Variants in SPATA31A1 observed in about 807,000 individuals in gnomAD.
SPATA31A1 encodes SPATA31 subfamily A member 1.
For missense variants in SPATA31A1, 579 were observed against 1,476.3 expected (o/e 0.39, Z 9.96); for synonymous variants, 194 against 573.4 (o/e 0.34, Z 9.45).
At position 39,361,386 on chromosome 9, in the gene SPATA31A1, G is replaced by A; in HGVS notation, c.3621G>A (p.Gln1207=). The A allele has an allele frequency of 1.2e-6, 2 of 1,613,688 alleles. No individual in the cohort carries two copies. Among genetic ancestry groups the A allele is most frequent in the South Asian group, 1.1e-5 (1 of 91,062 alleles). The change falls in exon 4 of 4, where the codon CAG becomes CAA. Residue 1207 remains glutamine (Q), a synonymous_variant. Transcript: ENST00000377647. ...TGTACAGCAGCAGTGCTGAAGCTCA[G>A]GGTCTCATGACGGCAGTTGGACAAA... ...SCVYSSSAEA[Q]GLMTAVGQML... is the part of the protein sequence containing the mutation.
In SPATA31A1 at chr9:39,358,270, C is replaced by T. The variant is rs1287738537; in HGVS notation, c.505C>T (p.Pro169Ser). Residue 169 changes from proline to serine, a missense_variant, in exon 4 of 4, where the codon CCA becomes TCA. Coordinates refer to ENST00000377647, the MANE Select transcript of SPATA31A1 (RefSeq NM_001085452.4). ...GCATCCTCAGGATCTGGCCTCCACCCCATCACCAGGCCCAATGACCACCTC... is the reference window on the plus strand; with the variant it reads ...GCATCCTCAGGATCTGGCCTCCACCTCATCACCAGGCCCAATGACCACCTC... ...AKHPQDLAST[P>S]SPGPMTTSVS... The T allele has an allele frequency of 6.5e-7, 1 of 1,548,214 alleles. No homozygotes were observed. The highest frequency in any genetic ancestry group is 2.3e-5 in the East Asian group (1 of 43,132).
Position 39,360,865 on chromosome 9 carries a change from C to T in SPATA31A1, c.3100C>T (p.Leu1034Phe). 6.3e-7 allele frequency: 1 copy of T among 1,596,774 alleles called. No individual in the cohort carries two copies. The highest frequency in any genetic ancestry group is 1.4e-5 in the African/African-American group (1 of 72,084). The change falls in exon 4 of 4, where the codon CTT becomes TTT. Residue 1034 changes from leucine (L) to phenylalanine (F), a missense_variant. By Grantham distance (22) the Leu-to-Phe change is conservative. Transcript: ENST00000377647. ...TCAAGTTTGTGCCGCTGTTGTGCTC[C>T]TTCCAGATGGGCAAGCATCTGTTGT... Reference protein sequence around the residue: ...QPQVCAAVVLLPDGQASVVPH... With the variant: ...QPQVCAAVVLFPDGQASVVPH...
Position 39,358,682 on chromosome 9 carries a change from CACCAGAGACCT to C in SPATA31A1, c.924_934del (p.Glu308AspfsTer5), listed in dbSNP as rs1823388531. On this transcript the variant is annotated frameshift_variant, in exon 4 of 4. Transcript: ENST00000377647. LOFTEE classifies it low-confidence loss of function (END_TRUNC). The stretch of plus-strand genomic sequence containing the variant: ...CAGCAAGATCATCTTTCCCGCCACC[CACCAGAGACCT>C]ACCAGATGGAAGCTGGTAGCCTGTT... 1 of 1,608,792 alleles carries C rather than the reference CACCAGAGACCT, an allele frequency of 6.2e-7. No individual in the cohort carries two copies. Among genetic ancestry groups the C allele is most frequent in the African/African-American group, 1.3e-5 (1 of 74,654 alleles).
chr9:39,357,954 G>A, intron 3 of SPATA31A1, 120 bp from the exon 4 acceptor site: 4 of 1,600,486 alleles, frequency 2.5e-6, no homozygotes, highest in South Asian at 2.2e-5. Flanking sequence ...GGGGCGAGGG[G>A]TAGCAGGAGA....
intron 2 of SPATA31A1, 34 bp from the exon 3 acceptor site, chr9:39,357,724 C>T: frequency 8.1e-7 from 1 of 1,232,962 alleles, no homozygotes; most frequent in African/African-American, 1.5e-5. Context: ...CAGGCCCCTC[C>T]CTCACTGCCC....
chr9:39,356,888 GC>G (rs1176708808), intron 1 of SPATA31A1, among the ~76,000 whole-genome samples: 2 of 123,210 alleles, frequency 1.6e-5, no homozygotes, highest in African/African-American at 3.2e-5. Flanking sequence ...ACCACGCCCA[GC>G]CCCCTCTTGC....
In SPATA31A1 at chr9:39,361,808, G is replaced by A; in HGVS notation, c.4043G>A (p.Ter1348=). ...PRHCLLWEGI[*] ...CACTGTCTTCTTTGGGAAGGTATCT[G>A]ATTTGGTCAGTCACAAATTCTTTTT... is the stretch of plus-strand genomic sequence containing the variant. Residue 1348 remains the stop codon, a stop_retained_variant, in exon 4 of 4, where the codon TGA becomes TAA. Coordinates refer to ENST00000377647, the MANE Select transcript of SPATA31A1 (RefSeq NM_001085452.4). 5.0e-6 allele frequency: 8 copies of A among 1,608,816 alleles called. No homozygotes were observed. Among genetic ancestry groups the A allele is most frequent in the Non-Finnish European group, 6.8e-6 (8 of 1,179,310 alleles).
Position 39,359,024 on chromosome 9 carries a change from CCT to C in SPATA31A1, c.1264_1265del (p.Leu422AlafsTer8). ...TATAGCCAGCTTTTCTGGGGCCTCC[CCT>C]CTCTGCACAGCGAGTCCCTGGTGGC... On this transcript the variant is annotated frameshift_variant, in exon 4 of 4. Coordinates refer to ENST00000377647, the MANE Select transcript of SPATA31A1 (RefSeq NM_001085452.4). LOFTEE classifies it low-confidence loss of function (END_TRUNC). 2 of 1,596,610 alleles carry C rather than the reference CCT, an allele frequency of 1.3e-6. No individual in the cohort carries two copies. Among genetic ancestry groups the C allele is most frequent in the Non-Finnish European group, 1.7e-6 (2 of 1,177,528 alleles).
In SPATA31A1 at chr9:39,361,682, C is replaced by T; in HGVS notation, c.3917C>T (p.Pro1306Leu). 1.9e-6 allele frequency: 3 copies of T among 1,612,778 alleles called. No homozygotes were observed. Among genetic ancestry groups the T allele is most frequent in the Non-Finnish European group, 2.5e-6 (3 of 1,179,768 alleles). Reference sequence around the variant, plus strand: ...AATGAGCAATGGGGCCTGCGACATCCCCAAATCTTGCACCCCAAGAAAGCT... The same window carrying T: ...AATGAGCAATGGGGCCTGCGACATCTCCAAATCTTGCACCCCAAGAAAGCT... ...CNNEQWGLRHPQILHPKKAVS... is the reference protein window; with the variant it reads ...CNNEQWGLRHLQILHPKKAVS... Residue 1306 changes from proline to leucine, a missense_variant, in exon 4 of 4, where the codon CCC becomes CTC. Coordinates refer to ENST00000377647, the MANE Select transcript of SPATA31A1 (RefSeq NM_001085452.4).
chr9:39,356,501 T>G lies in SPATA31A1; in HGVS notation c.189+582T>G, dbSNP rs1043979085. ...ATCCCTCTGTGTGTGTGTGTGTGTG[T>G]GTGTGTGTGTGTATTTTTATTTTAT... On this transcript the variant is annotated intron_variant, in intron 1 of 3. Coordinates refer to ENST00000377647, the MANE Select transcript of SPATA31A1 (RefSeq NM_001085452.4). Among the ~76,000 whole-genome samples the G allele has an allele frequency of 2.1e-5, 3 of 143,736 alleles. 1 individual carries two copies. Among genetic ancestry groups the G allele is most frequent in the Non-Finnish European group, 4.6e-5 (3 of 65,696 alleles). The allele number at this position is 143,736 out of a possible 152,430, so 94.3% of individuals were successfully genotyped here.
rs1282662264 is a variant in SPATA31A1, at chr9:39,361,250, A to C, written c.3485A>C (p.His1162Pro). The change falls in exon 4 of 4, where the codon CAC becomes CCC. Residue 1162 changes from histidine (H) to proline (P), a missense_variant. Transcript: ENST00000377647. ...PSKKQPPSVS[H>P]FGGNIKQFFQ... Reference sequence around the variant, plus strand: ...AAGAAACAGCCTCCTTCAGTAAGCCACTTTGGAGGAAACATCAAGCAATTT... The same window carrying C: ...AAGAAACAGCCTCCTTCAGTAAGCCCCTTTGGAGGAAACATCAAGCAATTT... 3.4e-5 allele frequency: 55 copies of C among 1,611,706 alleles called. 1 individual carries two copies. In the Middle Eastern group the frequency reaches 6.5e-4, roughly 19 times the overall value.
chr9:39,358,647 C>T lies in SPATA31A1; in HGVS notation c.882C>T (p.Asn294=). ...CTGCCAGAACCTCGTGCGCCTTTAA[C>T]TCATCAGTCCAGCAAGATCATCTTT... ...QETARTSCAF[N]SSVQQDHLSR... The change falls in exon 4 of 4, where the codon AAC becomes AAT. Residue 294 remains asparagine, a synonymous_variant. Coordinates refer to ENST00000377647, the MANE Select transcript of SPATA31A1 (RefSeq NM_001085452.4). The T allele has an allele frequency of 1.2e-6, 2 of 1,607,628 alleles. No individual in the cohort carries two copies. Among genetic ancestry groups the T allele is most frequent in the African/African-American group, 1.3e-5 (1 of 74,484 alleles).
Position 39,361,221 on chromosome 9 carries a change from A to G in SPATA31A1, c.3456A>G (p.Pro1152=). The G allele has an allele frequency of 6.2e-7, 1 of 1,611,670 alleles. No individual in the cohort carries two copies. The highest frequency in any genetic ancestry group is 1.1e-5 in the South Asian group (1 of 90,974). The change falls in exon 4 of 4, where the codon CCA becomes CCG. Residue 1152 remains proline, a synonymous_variant. Transcript: ENST00000377647. ...AGGATGAAGGCGTCCAGCTACTGCC[A>G]TCAAAGAAACAGCCTCCTTCAGTAA... ...THQDEGVQLL[P]SKKQPPSVSH...
chr9:39,357,660 T>A, intron 2 of SPATA31A1, 98 bp from the exon 3 acceptor site: 2 of 1,593,740 alleles, frequency 1.3e-6, no homozygotes, highest in Non-Finnish European at 1.7e-6. Context: ...GCCCAGGGTC[T>A]AATTCCCCAT....
In SPATA31A1 at chr9:39,361,761, C is replaced by T; in HGVS notation, c.3996C>T (p.Ser1332=). 1 of 1,612,258 alleles carries T rather than the reference C, an allele frequency of 6.2e-7. No homozygotes were observed. Among genetic ancestry groups the T allele is most frequent in the Non-Finnish European group, 8.5e-7 (1 of 1,179,790 alleles). Residue 1332 remains serine, a synonymous_variant, in exon 4 of 4, where the codon AGC becomes AGT. Transcript: ENST00000377647. ...QHWPKTSGAS[S]HHHHCPRHCL... ...GGCCGAAGACATCCGGTGCCTCTAG[C>T]CACCATCACCACTGTCCAAGGCACT... is the stretch of plus-strand genomic sequence containing the variant.
rs1823459328 is a variant in SPATA31A1 at position 39,361,230 on chromosome 9, A to G, written c.3465A>G (p.Lys1155=). The G allele has an allele frequency of 1.2e-6, 2 of 1,611,538 alleles. No individual in the cohort carries two copies. Among genetic ancestry groups the G allele is most frequent in the Non-Finnish European group, 8.5e-7 (1 of 1,179,826 alleles). The change falls in exon 4 of 4, where the codon AAA becomes AAG. Residue 1155 remains lysine, a synonymous_variant. Transcript: ENST00000377647. ...DEGVQLLPSK[K]QPPSVSHFGG... is the part of the protein sequence containing the mutation. ...GCGTCCAGCTACTGCCATCAAAGAAACAGCCTCCTTCAGTAAGCCACTTTG... is the reference window on the plus strand; with the variant it reads ...GCGTCCAGCTACTGCCATCAAAGAAGCAGCCTCCTTCAGTAAGCCACTTTG...
Position 39,361,724 on chromosome 9 carries a change from C to T in SPATA31A1, c.3959C>T (p.Pro1320Leu), listed in dbSNP as rs1587775632. ...AAGAAAGCTGTATCCCCAGTCAGTC[C>T]CCTTCAGCACTGGCCGAAGACATCC... The part of the protein sequence containing the change: ...HPKKAVSPVS[P>L]LQHWPKTSGA... Residue 1320 changes from proline (P) to leucine (L), a missense_variant, in exon 4 of 4, where the codon CCC (proline) becomes CTC (leucine). Physicochemically the swap from Pro to Leu is moderately conservative, Grantham distance 98 (BLOSUM62 -3). Transcript: ENST00000377647. 3.7e-6 allele frequency: 6 copies of T among 1,612,458 alleles called. No individual in the cohort carries two copies. The highest frequency in any genetic ancestry group is 1.7e-5 in the Admixed American group (1 of 59,966).
At position 39,358,870 on chromosome 9, in the gene SPATA31A1, T is replaced by A; in HGVS notation, c.1105T>A (p.Ser369Thr). The A allele has an allele frequency of 6.3e-7, 1 of 1,595,864 alleles. No homozygotes were observed. The highest frequency in any genetic ancestry group is 1.1e-5 in the South Asian group (1 of 90,944). The change falls in exon 4 of 4, where the codon TCA becomes ACA. Residue 369 changes from serine to threonine, a missense_variant. By Grantham distance (58) the Ser-to-Thr change is moderately conservative (BLOSUM62 1). Transcript: ENST00000377647. ...AAATTCTTTGCGGAATTTGGCTAAATCATTGGATGCTGAGCAGGACACCAC... is the reference window on the plus strand; with the variant it reads ...AAATTCTTTGCGGAATTTGGCTAAAACATTGGATGCTGAGCAGGACACCAC... ...HLNSLRNLAK[S>T]LDAEQDTTNP...
In SPATA31A1 at chr9:39,361,103, C is replaced by T. The variant is rs1823456198; in HGVS notation, c.3338C>T (p.Ser1113Phe). The T allele has an allele frequency of 1.2e-5, 19 of 1,611,156 alleles. No homozygotes were observed. The highest frequency in any genetic ancestry group is 1.1e-4 in the South Asian group (10 of 90,950). The change falls in exon 4 of 4, where the codon TCT becomes TTT. Residue 1113 changes from serine to phenylalanine, a missense_variant. Ser to Phe is a radical substitution (Grantham distance 155, BLOSUM62 -2). Coordinates refer to ENST00000377647, the MANE Select transcript of SPATA31A1 (RefSeq NM_001085452.4). ...CCCCCTATTCACAAGAGTGAGAAGTCTAGGAAGCCCAACTTAGAAAAACAT... is the reference window on the plus strand; with the variant it reads ...CCCCCTATTCACAAGAGTGAGAAGTTTAGGAAGCCCAACTTAGAAAAACAT... ...MFPPIHKSEKSRKPNLEKHEE... is the reference protein window; with the variant it reads ...MFPPIHKSEKFRKPNLEKHEE...
Sources: allele counts gnomAD v4.1 joint callset (sites outside exome capture counted in the v4.1 genomes callset), GRCh38; gene constraint gnomAD v4.1.1; transcripts MANE v1.5; gene names NCBI Gene and HGNC (gene_info 2026-07-23, HGNC 2026-07-21).